Variants in PCCA observed in about 807,000 individuals in gnomAD.
PCCA encodes propionyl-CoA carboxylase alpha chain, mitochondrial.
PCCA carries 74 observed loss-of-function variants against 101.3 expected under a neutral mutation model. The observed-to-expected ratio is 0.73, with a 90% CI of 0.61 to 0.89. The LOEUF (loss-of-function observed/expected upper bound fraction) is 0.89, where lower values mean the gene tolerates loss of function less well. Ranked by LOEUF, PCCA falls within the 40% of genes least tolerant of loss-of-function variation. PCCA has a pLI of 0.00. For missense variants in PCCA, 891 were observed against 907.0 expected, an observed-to-expected ratio of 0.98 and a Z score of 0.23; for synonymous variants, 294 against 313.6, an observed-to-expected ratio of 0.94 and a Z score of 0.66.
At chr13:100,137,035 C>CT (rs1332843852) in intron 4 of PCCA, among the ~76,000 whole-genome samples, 3 of 151,868 alleles carry the variant, frequency 2.0e-5, no homozygotes, top group Admixed American at 6.5e-5. Flanking sequence ...TCTAAGCACT[C>CT]TAAGTGCATC....
chr13:100,205,307 T>C (rs1048469995), intron 6 of PCCA, among the ~76,000 whole-genome samples: 27 of 152,188 alleles, frequency 1.8e-4, no homozygotes, highest in African/African-American at 6.5e-4. Context: ...TACTCTCTTA[T>C]CCTGACCTCA....
At chr13:100,515,129 A>G (rs2086735393) in intron 21 of PCCA, among the ~76,000 whole-genome samples, 1 of 152,240 alleles carries the variant, frequency 6.6e-6, no homozygotes, top group Non-Finnish European at 1.5e-5. Flanking sequence ...AATACAAGTA[A>G]AATTCTCAGT....
intron 21 of PCCA, chr13:100,491,688 G>A: frequency 1.5e-6 from 2 of 1,304,112 alleles, no homozygotes; most frequent in Non-Finnish European, 2.0e-6. Flanking sequence ...GAGAAGCTTG[G>A]CAGAAGGTGC....
At chr13:100,305,755 T>G in intron 14 of PCCA, 2 of 402,256 alleles carry the variant, frequency 5.0e-6, no homozygotes, top group Non-Finnish European at 1.0e-5. Context: ...TTCTAGTTTT[T>G]GTCAACACTG....
chr13:100,296,760 C>G (rs771094997), intron 12 of PCCA, among the ~76,000 whole-genome samples: 1 of 152,160 alleles, frequency 6.6e-6, no homozygotes, highest in Non-Finnish European at 1.5e-5. Flanking sequence ...TTCCTAAAAA[C>G]AAGTAAATTT....
chr13:100,276,160 G>A (rs1455233985), intron 12 of PCCA, among the ~76,000 whole-genome samples: 1 of 136,362 alleles, frequency 7.3e-6, no homozygotes, highest in African/African-American at 2.9e-5. Context: ...AGGATCCCTT[G>A]AGCCCAGGAG....
chr13:100,235,563 A>G (rs1328229315), intron 7 of PCCA, among the ~76,000 whole-genome samples: 1 of 152,178 alleles, frequency 6.6e-6, no homozygotes, highest in Non-Finnish European at 1.5e-5. Context: ...TTCTGCCATT[A>G]AATTCCGGCA....
At chr13:100,297,764 A>G (rs550532355) in intron 12 of PCCA, among the ~76,000 whole-genome samples, 1 of 152,344 alleles carries the variant, frequency 6.6e-6, no homozygotes, top group South Asian at 2.1e-4. Context: ...GAGATGTTAT[A>G]AGGCACGATT....
At chr13:100,172,002 A>G (rs910895495) in intron 6 of PCCA, among the ~76,000 whole-genome samples, 6 of 149,394 alleles carry the variant, frequency 4.0e-5, no homozygotes, top group African/African-American at 1.5e-4. Flanking sequence ...ACTGCATTCC[A>G]GCTTGGGTGA....
intron 12 of PCCA, among the ~76,000 whole-genome samples, chr13:100,292,900 T>G (rs999070573): frequency 6.6e-6 from 1 of 151,644 alleles, no homozygotes; most frequent in Non-Finnish European, 1.5e-5. Flanking sequence ...GTGTTAAGAT[T>G]AATATTAGGA....
At chr13:100,126,693 G>C (rs891313448) in intron 4 of PCCA, among the ~76,000 whole-genome samples, 5 of 152,070 alleles carry the variant, frequency 3.3e-5, no homozygotes, top group African/African-American at 1.2e-4. Context: ...CTAATAAATT[G>C]AATTCCTTTT....
At chr13:100,122,327 G>T (rs756951806) in intron 4 of PCCA, among the ~76,000 whole-genome samples, 4 of 151,996 alleles carry the variant, frequency 2.6e-5, no homozygotes, top group Non-Finnish European at 5.9e-5. Flanking sequence ...GTCTTTGCTT[G>T]GTTTTGGTGT....
rs541728217 is a variant in PCCA, at chr13:100,511,412, T to C, written c.1900-4015T>C. Reference sequence around the variant, plus strand: ...TTTGGGGCCAGAAGGTGTAAAACCTTGACTAGGAAGAGAGCCTAATCTTTG... The same window carrying C: ...TTTGGGGCCAGAAGGTGTAAAACCTCGACTAGGAAGAGAGCCTAATCTTTG... On this transcript the variant is annotated intron_variant, in intron 21 of 23. Coordinates refer to ENST00000376285, the MANE Select transcript of PCCA (RefSeq NM_000282.4). Among the ~76,000 whole-genome samples, 8 of 152,276 alleles carry C rather than the reference T, an allele frequency of 5.3e-5. 1 individual carries two copies. In the South Asian group the frequency reaches 8.3e-4, roughly 16 times the overall value.
intron 8 of PCCA, among the ~76,000 whole-genome samples, chr13:100,239,042 A>G (rs1387608337): frequency 2.0e-5 from 3 of 152,168 alleles, no homozygotes; most frequent in Non-Finnish European, 4.4e-5. Context: ...TTCTTCTGGA[A>G]ACATTAATCT....
At position 100,102,961 on chromosome 13, in the gene PCCA, G is replaced by A. The variant is rs757540625; in HGVS notation, c.183+1G>A. On this transcript the variant is annotated splice_donor_variant, in intron 2 of 23. Coordinates refer to ENST00000376285, the MANE Select transcript of PCCA (RefSeq NM_000282.4). LOFTEE classifies it high-confidence loss of function. ...AGTGGGATATGATCCTAATGAAAAA[G>A]TAAGTATTTAAAAGATATTCTCAAC... The A allele has an allele frequency of 1.9e-6, 3 of 1,573,650 alleles. No individual in the cohort carries two copies. The highest frequency in any genetic ancestry group is 2.6e-6 in the Non-Finnish European group (3 of 1,143,342).
chr13:100,418,588 C>T (rs920348232), intron 19 of PCCA, among the ~76,000 whole-genome samples: 6 of 152,260 alleles, frequency 3.9e-5, no homozygotes, highest in African/African-American at 1.4e-4. Context: ...CACCTGTAAT[C>T]GCAGCACTTT....
At chr13:100,194,500 C>G (rs979484424) in intron 6 of PCCA, among the ~76,000 whole-genome samples, 1 of 152,166 alleles carries the variant, frequency 6.6e-6, no homozygotes, top group East Asian at 1.9e-4. Flanking sequence ...TCACTGCAAC[C>G]TCCGCCTCCC....
At chr13:100,430,024 C>A (rs997972599) in intron 20 of PCCA, among the ~76,000 whole-genome samples, 1 of 152,088 alleles carries the variant, frequency 6.6e-6, no homozygotes. Flanking sequence ...CGCCTGTAAT[C>A]CTAGCCTTTG....
At chr13:100,425,982 T>C (rs908921227) in intron 20 of PCCA, among the ~76,000 whole-genome samples, 1 of 152,214 alleles carries the variant, frequency 6.6e-6, no homozygotes, top group African/African-American at 2.4e-5. Context: ...CAAGGAATTC[T>C]GCAGGCTTTT....
Sources: allele counts gnomAD v4.1 joint callset (sites outside exome capture counted in the v4.1 genomes callset), GRCh38; gene constraint gnomAD v4.1.1; transcripts MANE v1.5; gene names NCBI Gene and HGNC (gene_info 2026-07-23, HGNC 2026-07-21).